The following IDO2 variants were observed in gnomAD, a reference collection of about 807,000 sequenced individuals.
The protein encoded by IDO2 is indoleamine 2,3-dioxygenase-like 1 protein.
IDO2 carries 46 observed loss-of-function variants against 45.1 expected under a neutral mutation model. That is an observed-to-expected ratio of 1.02 (90% CI 0.80 to 1.30). The LOEUF is 1.30. Among genes scored for constraint, IDO2 ranks in the 50% most tolerant of loss-of-function variants. The pLI is 0.00. For synonymous variants in IDO2, 218 were observed against 184.9 expected, an observed-to-expected ratio of 1.18 and a Z score of -1.45; for missense variants, 544 against 491.8, an observed-to-expected ratio of 1.11 and a Z score of -1.00.
In IDO2 at chr8:39,987,978, C is replaced by T; in HGVS notation, c.549+8C>T. The T allele has an allele frequency of 3.9e-6, 6 of 1,531,520 alleles. No homozygotes were observed. The highest frequency in any genetic ancestry group is 5.4e-6 in the Non-Finnish European group (6 of 1,110,910). 94.9% of individuals were successfully genotyped at this position (1,531,520 alleles called of 1,614,324 possible). ...GCAGTGCCTGGGATAAAGGTATCTT[C>T]TCACTTGATAGCACCTTTTCTTTTT... On this transcript the variant is annotated splice_region_variant and intron_variant, in intron 7 of 10. Transcript: ENST00000502986.
intron 5 of IDO2, 94 bp downstream of exon 5, chr8:39,982,864 T>A: frequency 1.2e-6 from 1 of 813,384 alleles, no homozygotes; most frequent in Non-Finnish European, 1.9e-6. Context: ...ATATTTATGG[T>A]CTGCCGTATG....
chr8:39,949,695 A>T (rs892246624), intron 2 of IDO2, among the ~76,000 whole-genome samples: 1 of 152,218 alleles, frequency 6.6e-6, no homozygotes, highest in African/African-American at 2.4e-5. Flanking sequence ...TCTCCTTTGC[A>T]TGACTACATG....
At chr8:39,977,505 C>T (rs1033537924) in intron 3 of IDO2, among the ~76,000 whole-genome samples, 63 of 152,152 alleles carry the variant, frequency 4.1e-4, no homozygotes, top group Non-Finnish European at 5.9e-4. Context: ...CATAGTGAGA[C>T]CCCCATCCCT....
chr8:39,969,245 T>A (rs1808144910), intron 3 of IDO2, among the ~76,000 whole-genome samples: 1 of 152,196 alleles, frequency 6.6e-6, no homozygotes, highest in African/African-American at 2.4e-5. Flanking sequence ...ACGCATTTGG[T>A]GTCTGTGTGT....
chr8:39,999,794 A>G (rs1802107531), intron 8 of IDO2, among the ~76,000 whole-genome samples: 1 of 152,152 alleles, frequency 6.6e-6, no homozygotes, highest in African/African-American at 2.4e-5. Context: ...TTCTTCCTCA[A>G]GAGGATGAGA....
At chr8:40,013,035 T>C (rs985513436) in intron 9 of IDO2, among the ~76,000 whole-genome samples, 1 of 152,196 alleles carries the variant, frequency 6.6e-6, no homozygotes, top group East Asian at 1.9e-4. Context: ...TGATGACTTC[T>C]TAACAATTAT....
chr8:39,976,730 C>T (rs570270575), intron 3 of IDO2, among the ~76,000 whole-genome samples: 1 of 152,320 alleles, frequency 6.6e-6, no homozygotes, highest in Non-Finnish European at 1.5e-5. Context: ...CCCTCCCAAA[C>T]TGAGGCCAGA....
exon 1 of IDO2, chr8:39,935,151 C>T: frequency 6.3e-7 from 1 of 1,597,716 alleles, no homozygotes; most frequent in Non-Finnish European, 8.6e-7. Context: ...TGAAAACCTT[C>T]TTAGGAAATG....
At chr8:39,993,345 G>T (rs553943664) in intron 8 of IDO2, among the ~76,000 whole-genome samples, 3 of 152,080 alleles carry the variant, frequency 2.0e-5, no homozygotes, top group East Asian at 3.9e-4. Flanking sequence ...GGAAATGTTT[G>T]CCTTTATTTA....
chr8:39,999,393 C>G (rs1465844464), intron 8 of IDO2, among the ~76,000 whole-genome samples: 1 of 151,112 alleles, frequency 6.6e-6, no homozygotes, highest in Non-Finnish European at 1.5e-5. Flanking sequence ...ATTCTCCTGC[C>G]TCAGCCTACC....
intron 8 of IDO2, among the ~76,000 whole-genome samples, chr8:39,990,947 G>A (rs1456704759): frequency 6.6e-6 from 1 of 152,168 alleles, no homozygotes; most frequent in African/African-American, 2.4e-5. Flanking sequence ...ATGTGAGAGA[G>A]GGGTGTGGTT....
intron 1 of IDO2, among the ~76,000 whole-genome samples, chr8:39,943,449 T>A (rs1807678653): frequency 6.7e-6 from 1 of 149,816 alleles, no homozygotes. Flanking sequence ...GTAAGAAACC[T>A]ATAGCTGGCC....
At chr8:39,968,408 T>A (rs1028235939) in intron 3 of IDO2, among the ~76,000 whole-genome samples, 2 of 152,168 alleles carry the variant, frequency 1.3e-5, no homozygotes, top group Non-Finnish European at 2.9e-5. Context: ...ATGTTTAGCA[T>A]GATGAAACTG....
chr8:39,939,242 C>CAAAAA (rs57921420), intron 1 of IDO2, among the ~76,000 whole-genome samples: 10 of 117,596 alleles, frequency 8.5e-5, no homozygotes, highest in Non-Finnish European at 1.1e-4. Flanking sequence ...GACTCCATCT[C>CAAAAA]AAAAAAAAAA....
chr8:39,960,771 C>T (rs771991589), intron 2 of IDO2, among the ~76,000 whole-genome samples: 2 of 152,088 alleles, frequency 1.3e-5, no homozygotes, highest in Non-Finnish European at 2.9e-5. Context: ...CCTCTACTGT[C>T]TTGACTTTTT....
intron 9 of IDO2, among the ~76,000 whole-genome samples, chr8:40,012,434 T>A (rs1802322721): frequency 6.6e-6 from 1 of 152,186 alleles, no homozygotes; most frequent in African/African-American, 2.4e-5. Flanking sequence ...CTTTGAGTCT[T>A]TGTTACTTTA....
intron 9 of IDO2, among the ~76,000 whole-genome samples, chr8:40,009,270 C>T (rs900969182): frequency 1.2e-4 from 19 of 152,150 alleles, no homozygotes; most frequent in African/African-American, 4.6e-4. Flanking sequence ...CCACCTTGGT[C>T]CCCCAAAGTG....
chr8:39,964,120 T>A (rs1808044817), intron 3 of IDO2, among the ~76,000 whole-genome samples: 1 of 152,186 alleles, frequency 6.6e-6, no homozygotes, highest in Non-Finnish European at 1.5e-5. Flanking sequence ...ATAGAATAGT[T>A]AAATGGAGGG....
intron 3 of IDO2, among the ~76,000 whole-genome samples, chr8:39,972,644 G>T (rs569456672): frequency 7.9e-4 from 107 of 135,136 alleles, no homozygotes; most frequent in Admixed American, 3.1e-3. Flanking sequence ...AAGTTCTACT[G>T]GGGAAAAAAT....
Sources: allele counts gnomAD v4.1 joint callset (sites outside exome capture counted in the v4.1 genomes callset), GRCh38; gene constraint gnomAD v4.1.1; transcripts MANE v1.5; gene names NCBI Gene and HGNC (gene_info 2026-07-23, HGNC 2026-07-21).